PRRC2B: variants seen among roughly 807,000 people sequenced by gnomAD.
PRRC2B encodes proline rich coiled-coil 2B, also known as protein PRRC2B.
In PRRC2B, 68 loss-of-function variants were observed where a neutral mutation model predicts 242.3. The ratio of observed to expected loss-of-function variants is 0.28; its 90% confidence interval spans 0.23 to 0.34. The LOEUF (loss-of-function observed/expected upper bound fraction) is 0.34, where lower values mean the gene tolerates loss of function less well. PRRC2B is among the 10% of genes least tolerant of loss of function. The pLI, the probability that PRRC2B is intolerant of heterozygous loss-of-function variation, is 1.00. For missense variants in PRRC2B, 2,835 were observed against 2,954.8 expected (o/e 0.96, Z 0.94); for synonymous variants, 1,228 against 1,173.6 (o/e 1.05, Z -0.95).
At chr9:131,401,927 C>T (rs762557752) in intron 1 of PRRC2B, among the ~76,000 whole-genome samples, 16 of 151,884 alleles carry the variant, frequency 1.1e-4, no homozygotes, top group Non-Finnish European at 2.2e-4. Flanking sequence ...TCCCAAAGTG[C>T]TGGGATTACA....
At chr9:131,417,924 C>G (rs1314970133) in intron 1 of PRRC2B, among the ~76,000 whole-genome samples, 1 of 152,216 alleles carries the variant, frequency 6.6e-6, no homozygotes, top group African/African-American at 2.4e-5. Flanking sequence ...ACCTCAAGAA[C>G]TGCCATTTGC....
intron 1 of PRRC2B, among the ~76,000 whole-genome samples, chr9:131,375,340 A>T (rs1007080965): frequency 2.0e-5 from 3 of 152,040 alleles, no homozygotes; most frequent in African/African-American, 7.2e-5. Context: ...CGGAGGTTGC[A>T]GTGAGCCGAG....
intron 30 of PRRC2B, among the ~76,000 whole-genome samples, chr9:131,493,915 A>ACT (rs1234767238): frequency 6.6e-6 from 1 of 152,172 alleles, no homozygotes; most frequent in African/African-American, 2.4e-5. Context: ...CTGGGAACTA[A>ACT]CTAGTGGTCA....
At chr9:131,430,515 A>G (rs1352638006) in intron 2 of PRRC2B, among the ~76,000 whole-genome samples, 36 of 17,542 alleles carry the variant, frequency 2.1e-3, no homozygotes, top group Middle Eastern at 0.023. Context: ...ATATCTATAG[A>G]TAGATAGATA....
At chr9:131,385,149 A>ACCACGCCT (rs1235501158) in intron 1 of PRRC2B, among the ~76,000 whole-genome samples, 85 of 150,142 alleles carry the variant, frequency 5.7e-4, no homozygotes, top group Admixed American at 1.2e-3. Context: ...CTGGGATTAC[A>ACCACGCCT]GGCATGAGCT....
intron 1 of PRRC2B, among the ~76,000 whole-genome samples, chr9:131,416,122 T>G (rs1461729895): frequency 1.3e-5 from 2 of 152,054 alleles, no homozygotes; most frequent in East Asian, 1.9e-4. Context: ...TTCTTTTTTT[T>G]TTTTAAGACA....
chr9:131,398,213 G>A (rs974873882), intron 1 of PRRC2B, among the ~76,000 whole-genome samples: 1 of 152,230 alleles, frequency 6.6e-6, no homozygotes, highest in Non-Finnish European at 1.5e-5. Flanking sequence ...CGATATTACT[G>A]TTTATACCTC....
intron 5 of PRRC2B, among the ~76,000 whole-genome samples, chr9:131,440,719 T>C (rs894943078): frequency 2.0e-5 from 3 of 152,106 alleles, no homozygotes; most frequent in African/African-American, 7.2e-5. Flanking sequence ...GATTTGGCTA[T>C]AAAGAAAAAA....
At chr9:131,432,489 C>T in intron 2 of PRRC2B, 128 bp from the exon 3 acceptor site, 1 of 824,186 alleles carries the variant, frequency 1.2e-6, no homozygotes, top group Non-Finnish European at 1.9e-6. Context: ...GCTGGTCTGC[C>T]CTTTGTTTTT....
chr9:131,445,398 A>T (rs970766431), intron 6 of PRRC2B, among the ~76,000 whole-genome samples: 1 of 152,120 alleles, frequency 6.6e-6, no homozygotes, highest in Admixed American at 6.5e-5. Flanking sequence ...ACCTCAGGTG[A>T]TCCGCCTGTC....
chr9:131,477,582 A>G (rs1943740067), intron 16 of PRRC2B, among the ~76,000 whole-genome samples, 162 bp from the exon 17 acceptor site: 1 of 152,204 alleles, frequency 6.6e-6, no homozygotes, highest in Non-Finnish European at 1.5e-5. Flanking sequence ...GCACACGGAC[A>G]TGGATGCACT....
intron 10 of PRRC2B, among the ~76,000 whole-genome samples, chr9:131,457,553 T>C (rs889772247): frequency 1.3e-5 from 2 of 152,162 alleles, no homozygotes; most frequent in Non-Finnish European, 2.9e-5. Flanking sequence ...TGCATCCATG[T>C]CTTATTTGGC....
chr9:131,477,983 T>A (rs1943752408), intron 17 of PRRC2B, 34 bp downstream of exon 17: 2 of 1,594,130 alleles, frequency 1.3e-6, no homozygotes, highest in African/African-American at 2.7e-5. Flanking sequence ...GGGAAAGAAC[T>A]CAGGCAGAAC....
chr9:131,433,570 C>G (rs1433116090), intron 3 of PRRC2B, among the ~76,000 whole-genome samples: 2 of 152,192 alleles, frequency 1.3e-5, no homozygotes, highest in Non-Finnish European at 2.9e-5. Context: ...GGGATGTGTT[C>G]AGGGAGGGAC....
At chr9:131,386,374 C>T (rs1199749767) in intron 1 of PRRC2B, among the ~76,000 whole-genome samples, 1 of 150,272 alleles carries the variant, frequency 6.7e-6, no homozygotes, top group African/African-American at 2.4e-5. Context: ...GCCTTGGCCT[C>T]CCAGAGTCCC....
chr9:131,478,394 CT>C (rs1241911240), intron 17 of PRRC2B, 79 bp from the exon 18 acceptor site: 1 of 1,367,186 alleles, frequency 7.3e-7, no homozygotes, highest in African/African-American at 1.4e-5. Flanking sequence ...GATGCTAGAT[CT>C]CAGGCGCCTG....
At chr9:131,420,485 C>CTCTCT in intron 1 of PRRC2B, among the ~76,000 whole-genome samples, 1 of 15,766 alleles carries the variant, frequency 6.3e-5, no homozygotes, top group African/African-American at 1.6e-4. Flanking sequence ...TTCTTTCTTT[C>CTCTCT]TTTCTTTCTT....
Position 131,476,273 on chromosome 9 carries a change from G to A in PRRC2B, c.4144G>A (p.Asp1382Asn), listed in dbSNP as rs534567479. The A allele has an allele frequency of 5.9e-5, 95 of 1,609,970 alleles. No individual in the cohort carries two copies. The East Asian group carries it at 1.7e-3, about 28-fold the overall frequency. Residue 1382 changes from aspartate (D) to asparagine (N), a missense_variant, in exon 16 of 32, where the codon GAC (aspartate) becomes AAC (asparagine). Physicochemically the swap from Asp to Asn is conservative, Grantham distance 23. Coordinates refer to ENST00000683519, the MANE Select transcript of PRRC2B (RefSeq NM_013318.4). ...GTGGGAGACGGCCTCCGAAAGCAGC[G>A]ACTTCAGCGAGCGGCGGGAGCGGCG... is the stretch of plus-strand genomic sequence containing the variant. ...EEWETASESSDFSERRERREG... is the reference protein window; with the variant it reads ...EEWETASESSNFSERRERREG...
chr9:131,477,681 T>G (rs1943742822), intron 16 of PRRC2B, 63 bp from the exon 17 acceptor site: 2 of 979,716 alleles, frequency 2.0e-6, no homozygotes, highest in African/African-American at 1.6e-5. Context: ...GCAGGCTGTG[T>G]GCACGTGCGG....
Sources: gnomAD v4.1 joint callset for allele counts (sites outside exome capture counted in the v4.1 genomes callset) on GRCh38, gnomAD v4.1.1 for gene constraint, MANE v1.5 for transcripts, NCBI Gene and HGNC (gene_info 2026-07-23, HGNC 2026-07-21) for gene names.